CCSER1: variants seen among roughly 807,000 people sequenced by gnomAD.
CCSER1 encodes the protein serine-rich coiled-coil domain-containing protein 1.
A neutral mutation model predicts 82.0 loss-of-function variants in CCSER1; 41 were observed. That is an observed-to-expected ratio of 0.50 (90% confidence interval 0.39 to 0.65). The LOEUF is 0.65. CCSER1 is among the 30% of genes least tolerant of loss of function. The pLI is 0.00. For synonymous variants in CCSER1, 414 were observed against 383.9 expected, an observed-to-expected ratio of 1.08 and a Z score of -0.92; for missense variants, 1,119 against 1,064.2, an observed-to-expected ratio of 1.05 and a Z score of -0.72.
At chr4:90,226,890 G>A (rs550874759) in intron 1 of CCSER1, among the ~76,000 whole-genome samples, 1 of 152,308 alleles carries the variant, frequency 6.6e-6, no homozygotes, top group South Asian at 2.1e-4. Flanking sequence ...TGGGGTACTA[G>A]GGACCTGACC....
chr4:90,228,555 G>A (rs1231345439), intron 1 of CCSER1, among the ~76,000 whole-genome samples: 1 of 152,074 alleles, frequency 6.6e-6, no homozygotes, highest in Non-Finnish European at 1.5e-5. Context: ...ACTCTAAAAC[G>A]CAGAGCGCCT....
At chr4:91,129,130 A>G (rs1202310853) in intron 10 of CCSER1, among the ~76,000 whole-genome samples, 5 of 152,126 alleles carry the variant, frequency 3.3e-5, no homozygotes, top group Non-Finnish European at 7.4e-5. Context: ...AGGAAGGATC[A>G]AAGCTTTTTT....
intron 1 of CCSER1, among the ~76,000 whole-genome samples, chr4:90,236,771 TA>T (rs1578676664): frequency 6.6e-6 from 1 of 152,112 alleles, no homozygotes; most frequent in Admixed American, 6.5e-5. Flanking sequence ...GTAATTTTAT[TA>T]AAAAATTTGC....
chr4:90,830,418 C>T (rs974082880), intron 8 of CCSER1, among the ~76,000 whole-genome samples: 15 of 152,114 alleles, frequency 9.9e-5, no homozygotes, highest in Admixed American at 6.6e-5. Context: ...AAAAGTGCTT[C>T]AGTGTAAGGT....
At chr4:90,246,743 A>T (rs1035672279) in intron 1 of CCSER1, among the ~76,000 whole-genome samples, 4 of 152,344 alleles carry the variant, frequency 2.6e-5, no homozygotes, top group African/African-American at 9.6e-5. Context: ...GAGATTAACA[A>T]TAACTAATAA....
intron 10 of CCSER1, among the ~76,000 whole-genome samples, chr4:91,498,723 C>A (rs1759059087): frequency 6.6e-6 from 1 of 151,674 alleles, no homozygotes; most frequent in African/African-American, 2.4e-5. Context: ...TATCCTCATG[C>A]CATTCTTTTT....
chr4:90,323,514 C>A (rs1561027297), intron 3 of CCSER1, among the ~76,000 whole-genome samples: 1 of 152,174 alleles, frequency 6.6e-6, no homozygotes, highest in Non-Finnish European at 1.5e-5. Context: ...GTGTTGTGTT[C>A]TCTTGTGACA....
At chr4:90,784,868 A>G (rs1230041056) in intron 7 of CCSER1, among the ~76,000 whole-genome samples, 1 of 152,200 alleles carries the variant, frequency 6.6e-6, no homozygotes, top group Non-Finnish European at 1.5e-5. Context: ...AAATGTTTTT[A>G]AGGAAATCAT....
intron 10 of CCSER1, among the ~76,000 whole-genome samples, chr4:91,522,935 C>A (rs901422356): frequency 1.3e-5 from 2 of 152,146 alleles, no homozygotes; most frequent in Non-Finnish European, 1.5e-5. Flanking sequence ...TGAGAGAGGG[C>A]ATCCCTGTCT....
intron 1 of CCSER1, among the ~76,000 whole-genome samples, chr4:90,245,323 G>GA (rs1402801464): frequency 6.6e-6 from 1 of 152,098 alleles, no homozygotes; most frequent in East Asian, 1.9e-4. Context: ...TATAGCTCTT[G>GA]AAAAAATTTA....
intron 10 of CCSER1, among the ~76,000 whole-genome samples, chr4:91,462,501 G>A (rs1461392850): frequency 6.6e-6 from 1 of 152,048 alleles, no homozygotes; most frequent in East Asian, 1.9e-4. Flanking sequence ...GGGTTTGTTG[G>A]ACAGTGGGTG....
At chr4:90,723,160 T>G (rs78126427) in intron 6 of CCSER1, among the ~76,000 whole-genome samples, 4,406 of 152,092 alleles carry the variant, frequency 0.029, 100 homozygotes, top group Middle Eastern at 0.051. Context: ...TGACTTCTGT[T>G]GCTACCTACT....
At chr4:90,821,962 T>A (rs1416559742) in intron 8 of CCSER1, among the ~76,000 whole-genome samples, 2 of 152,168 alleles carry the variant, frequency 1.3e-5, no homozygotes, top group African/African-American at 2.4e-5. Flanking sequence ...TGTAAATGAT[T>A]ATTAATCTTA....
intron 6 of CCSER1, among the ~76,000 whole-genome samples, chr4:90,647,955 G>A (rs1484602345): frequency 6.6e-6 from 1 of 152,116 alleles, no homozygotes; most frequent in Non-Finnish European, 1.5e-5. Flanking sequence ...TCTCAGTGGG[G>A]AGAAATAGGC....
intron 10 of CCSER1, among the ~76,000 whole-genome samples, chr4:91,090,957 C>G (rs1581530565): frequency 6.6e-6 from 1 of 152,166 alleles, no homozygotes; most frequent in Non-Finnish European, 1.5e-5. Flanking sequence ...AAGGTTGCAG[C>G]TTCCACTCAT....
At chr4:90,675,107 A>T (rs1733587870) in intron 6 of CCSER1, among the ~76,000 whole-genome samples, 1 of 151,800 alleles carries the variant, frequency 6.6e-6, no homozygotes, top group Admixed American at 6.6e-5. Flanking sequence ...TTCTCATTTC[A>T]TTTTCGTCAT....
At chr4:90,184,832 T>G (rs1049252846) in intron 1 of CCSER1, among the ~76,000 whole-genome samples, 1 of 152,012 alleles carries the variant, frequency 6.6e-6, no homozygotes, top group Non-Finnish European at 1.5e-5. Flanking sequence ...AATGCAACTT[T>G]CCATACCTAA....
chr4:90,931,449 C>G (rs1243716297), intron 9 of CCSER1, among the ~76,000 whole-genome samples: 2 of 152,030 alleles, frequency 1.3e-5, no homozygotes, highest in African/African-American at 4.8e-5. Context: ...AAGATGATTT[C>G]TTTTTAAGGT....
chr4:90,146,139 A>G (rs1036794305), intron 1 of CCSER1, among the ~76,000 whole-genome samples: 7 of 152,108 alleles, frequency 4.6e-5, no homozygotes, highest in African/African-American at 1.7e-4. Flanking sequence ...TGAGATAAGT[A>G]CTGCTCTTTT....
Sources: gnomAD v4.1 joint callset for allele counts (sites outside exome capture counted in the v4.1 genomes callset) on GRCh38, gnomAD v4.1.1 for gene constraint, MANE v1.5 for transcripts, NCBI Gene and HGNC (gene_info 2026-07-23, HGNC 2026-07-21) for gene names.